CDH4: variants seen among roughly 807,000 people sequenced by gnomAD.
The protein encoded by CDH4 is cadherin 4.
CDH4 carries 33 observed loss-of-function variants against 86.0 expected under a neutral mutation model. The ratio of observed to expected loss-of-function variants is 0.38; its 90% CI spans 0.29 to 0.51. The LOEUF (loss-of-function observed/expected upper bound fraction) is 0.51. Among genes scored for constraint, CDH4 ranks in the 20% least tolerant of loss-of-function variants. The pLI is 0.86. For synonymous variants in CDH4, 555 were observed against 549.4 expected, an observed-to-expected ratio of 1.01 and a Z score of -0.14; for missense variants, 1,114 against 1,307.4, an observed-to-expected ratio of 0.85 and a Z score of 2.28.
chr20:61,483,133 G>A (rs988274787), intron 2 of CDH4, among the ~76,000 whole-genome samples: 6 of 152,196 alleles, frequency 3.9e-5, no homozygotes, highest in African/African-American at 1.4e-4. Context: ...AGAGCTGTGG[G>A]AGTCCAGGTA....
intron 2 of CDH4, among the ~76,000 whole-genome samples, chr20:61,322,085 C>T (rs1399303816): frequency 1.3e-5 from 2 of 152,114 alleles, no homozygotes; most frequent in Admixed American, 1.3e-4. Flanking sequence ...GGATACGAAC[C>T]CCAGGATTCG....
intron 2 of CDH4, among the ~76,000 whole-genome samples, chr20:61,527,146 C>T (rs2085916858): frequency 1.3e-5 from 2 of 152,266 alleles, no homozygotes; most frequent in South Asian, 4.1e-4. Context: ...TACCCCTCTG[C>T]ACTTTGACAA....
At chr20:61,290,428 G>A (rs972022723) in intron 2 of CDH4, among the ~76,000 whole-genome samples, 3 of 98,260 alleles carry the variant, frequency 3.1e-5, no homozygotes, top group South Asian at 3.2e-4. Context: ...GACTTGCTGG[G>A]TTTATCCCGA....
intron 2 of CDH4, among the ~76,000 whole-genome samples, chr20:61,467,038 G>A (rs1394912699): frequency 1.3e-5 from 2 of 152,218 alleles, no homozygotes; most frequent in Non-Finnish European, 2.9e-5. Context: ...GCCATTTTAT[G>A]TGTGTTCACT....
Position 61,937,102 on chromosome 20 carries a change from C to A in CDH4, c.*159C>A. 1.9e-6 allele frequency: 1 copy of A among 527,018 alleles called. No individual in the cohort carries two copies. The highest frequency in any genetic ancestry group is 3.1e-6 in the Non-Finnish European group (1 of 319,970). The allele number at this position is 527,018 out of a possible 1,614,324, so 32.6% of individuals were successfully genotyped here. A position where few individuals can be genotyped will look rare whatever the true frequency, so the allele number is the denominator to read the frequency against. Reference sequence around the variant, plus strand: ...ACGTTGAGCTGTCTAGCATGAGCACCCACCCCCACAGCGCCCTGCACCCGG... The same window carrying A: ...ACGTTGAGCTGTCTAGCATGAGCACACACCCCCACAGCGCCCTGCACCCGG... On this transcript the variant is annotated 3_prime_UTR_variant, in exon 16 of 16. Transcript: ENST00000614565.
At chr20:61,895,124 C>G in intron 8 of CDH4, 77 bp downstream of exon 8, 1 of 1,525,538 alleles carries the variant, frequency 6.6e-7, no homozygotes, top group Non-Finnish European at 8.9e-7. Context: ...ACAGCCTCCT[C>G]TCTCTCTGCG....
intron 2 of CDH4, among the ~76,000 whole-genome samples, chr20:61,596,398 C>A (rs1295895612): frequency 6.6e-6 from 1 of 152,200 alleles, no homozygotes; most frequent in Admixed American, 6.5e-5. Flanking sequence ...ACACACCCAA[C>A]TCATCGTGTG....
intron 2 of CDH4, among the ~76,000 whole-genome samples, chr20:61,446,429 C>T (rs111653201): frequency 1.4e-3 from 219 of 152,278 alleles, no homozygotes; most frequent in Middle Eastern, 0.01. Context: ...TAAGATCTAG[C>T]GTCATACTTT....
At chr20:61,382,281 C>G (rs948538915) in intron 2 of CDH4, among the ~76,000 whole-genome samples, 1 of 152,178 alleles carries the variant, frequency 6.6e-6, no homozygotes, top group South Asian at 2.1e-4. Context: ...AATGCAGCAG[C>G]TCTAACTTAT....
chr20:61,831,129 C>T lies in CDH4; in HGVS notation c.577-13539C>T, dbSNP rs73143111. On this transcript the variant is annotated intron_variant, in intron 4 of 15. Coordinates refer to ENST00000614565, the MANE Select transcript of CDH4 (RefSeq NM_001794.5). Reference sequence around the variant, plus strand: ...GAAATCGATCTTCTCAGCCTCCTCACCAGCCTCACACTGGCGTTATGTCCC... The same window carrying T: ...GAAATCGATCTTCTCAGCCTCCTCATCAGCCTCACACTGGCGTTATGTCCC... Among the ~76,000 whole-genome samples the T allele has an allele frequency of 5.7e-3, 869 of 152,324 alleles. 7 individuals are homozygous for T. The highest frequency in any genetic ancestry group is 8.7e-3 in the Non-Finnish European group (593 of 68,028).
At chr20:61,714,039 T>G (rs1422928327) in intron 2 of CDH4, among the ~76,000 whole-genome samples, 1 of 148,332 alleles carries the variant, frequency 6.7e-6, no homozygotes, top group African/African-American at 2.5e-5. Context: ...TTATTTTATT[T>G]TATTTTATTT....
chr20:61,901,649 G>A (rs1189471096), intron 8 of CDH4, among the ~76,000 whole-genome samples: 13 of 152,252 alleles, frequency 8.5e-5, no homozygotes, highest in Admixed American at 6.5e-4. Context: ...CGTCCACACC[G>A]GGCTCCGGCC....
chr20:61,835,912 G>C (rs34211482), intron 4 of CDH4, among the ~76,000 whole-genome samples: 1 of 152,042 alleles, frequency 6.6e-6, no homozygotes, highest in Non-Finnish European at 1.5e-5. Context: ...AAAGGCTTCA[G>C]CTTGCTGCAC....
chr20:61,414,511 C>G (rs1382259365), intron 2 of CDH4, among the ~76,000 whole-genome samples: 1 of 152,228 alleles, frequency 6.6e-6, no homozygotes. Context: ...CAAATGCTTG[C>G]CGACCAGCTC....
intron 2 of CDH4, among the ~76,000 whole-genome samples, chr20:61,573,798 A>G (rs2086363001): frequency 6.6e-6 from 1 of 152,238 alleles, no homozygotes; most frequent in African/African-American, 2.4e-5. Context: ...GGCTGTGTAT[A>G]TAAACTGCAT....
At chr20:61,712,954 A>G (rs2087909257) in intron 2 of CDH4, among the ~76,000 whole-genome samples, 1 of 152,170 alleles carries the variant, frequency 6.6e-6, no homozygotes, top group Middle Eastern at 3.2e-3. Flanking sequence ...CAAGCAGTAG[A>G]AACTTTGCCA....
intron 4 of CDH4, among the ~76,000 whole-genome samples, chr20:61,818,876 G>A (rs538750543): frequency 1.8e-4 from 28 of 152,138 alleles, no homozygotes; most frequent in African/African-American, 6.5e-4. Context: ...AGCAGAAGGT[G>A]ACGCATGTCG....
chr20:61,522,873 G>A (rs1006605844), intron 2 of CDH4, among the ~76,000 whole-genome samples: 1 of 152,266 alleles, frequency 6.6e-6, no homozygotes, highest in Admixed American at 6.5e-5. Flanking sequence ...ACTACCGGGT[G>A]GGCCGGAGCC....
chr20:61,752,262 G>T (rs1315454389), intron 3 of CDH4, among the ~76,000 whole-genome samples: 1 of 149,416 alleles, frequency 6.7e-6, no homozygotes, highest in Non-Finnish European at 1.5e-5. Context: ...AGCCCGAGAG[G>T]TAGAGGTTGC....
Sources: gnomAD v4.1 joint callset for allele counts (sites outside exome capture counted in the v4.1 genomes callset) on GRCh38, gnomAD v4.1.1 for gene constraint, MANE v1.5 for transcripts, NCBI Gene and HGNC (gene_info 2026-07-23, HGNC 2026-07-21) for gene names.